Variants in REV3L observed in about 807,000 individuals in gnomAD.
REV3L encodes the protein DNA polymerase zeta catalytic subunit.
REV3L carries 69 observed loss-of-function variants against 299.4 expected under a neutral mutation model. That is an observed-to-expected ratio of 0.23 (90% CI 0.19 to 0.28). REV3L has a LOEUF of 0.28. Among genes scored for constraint, REV3L ranks in the 10% least tolerant of loss-of-function variants. The probability of loss-of-function intolerance (pLI) is 1.00; values close to 1 mark genes in which losing one functional copy is unlikely to be tolerated. For synonymous variants in REV3L, 1,238 were observed against 1,271.4 expected (o/e 0.97, Z 0.56); for missense variants, 3,128 against 3,693.8 (o/e 0.85, Z 3.97).
At chr6:111,440,764 A>C (rs1015611549) in intron 1 of REV3L, among the ~76,000 whole-genome samples, 1 of 152,222 alleles carries the variant, frequency 6.6e-6, no homozygotes, top group Non-Finnish European at 1.5e-5. Flanking sequence ...ATTTCTTATA[A>C]GGCAAGTAAC....
intron 1 of REV3L, among the ~76,000 whole-genome samples, chr6:111,420,514 C>T (rs1345930132): frequency 6.6e-6 from 1 of 152,172 alleles, no homozygotes; most frequent in Non-Finnish European, 1.5e-5. Flanking sequence ...CTCCCCTTCC[C>T]CTCCTCTGAA....
chr6:111,335,602 AT>A lies in REV3L; in HGVS notation c.7546del (p.Met2516TrpfsTer16). On this transcript the variant is annotated frameshift_variant, in exon 22 of 32. Transcript: ENST00000368802. LOFTEE classifies it high-confidence loss of function. ...GACACGGCTAACATAATGATCAACC[AT>A]TTTCCATCTGTTAAAAAAGAATCCA... Reference protein sequence around the residue: ...DNKTDLYRWKMVDHYVSRVRG... With the variant: ...DNKTDLYRWKXVDHYVSRVRG... 1 of 1,607,888 alleles carries A rather than the reference AT, an allele frequency of 6.2e-7. No homozygotes were observed. Among genetic ancestry groups the A allele is most frequent in the Non-Finnish European group, 8.5e-7 (1 of 1,177,576 alleles).
chr6:111,388,981 A>G (rs1057170500), intron 7 of REV3L, 125 bp downstream of exon 7: 2 of 668,880 alleles, frequency 3.0e-6, no homozygotes, highest in Admixed American at 5.7e-5. Context: ...AACAAGAAAA[A>G]TACATACAAA....
At chr6:111,361,831 A>C (rs1340375843) in intron 16 of REV3L, among the ~76,000 whole-genome samples, 1 of 152,146 alleles carries the variant, frequency 6.6e-6, no homozygotes, top group Admixed American at 6.5e-5. Context: ...TCTTTGGTTT[A>C]TTCCCTGTTT....
Position 111,375,147 on chromosome 6 carries a change from T to G in REV3L, c.3208A>C (p.Ile1070Leu). The G allele has an allele frequency of 6.2e-7, 1 of 1,607,938 alleles. No individual in the cohort carries two copies. The highest frequency in any genetic ancestry group is 1.1e-5 in the South Asian group (1 of 88,952). The change falls in exon 13 of 32, where the codon ATT becomes CTT. Residue 1070 changes from isoleucine (I) to leucine (L), a missense_variant. By Grantham distance (5) the Ile-to-Leu change is conservative (BLOSUM62 2). Coordinates refer to ENST00000368802, the MANE Select transcript of REV3L (RefSeq NM_001372078.1). ...TTCCTGAAAGACAAAGTTCTTTTAA[T>G]ATTTTCATTATTTGTCCTTTGTTGT... is the stretch of plus-strand genomic sequence containing the variant. ...GKQQRTNNEN[I>L]KRTLSFRKKR...
intron 1 of REV3L, among the ~76,000 whole-genome samples, chr6:111,477,177 TG>T (rs1277058518): frequency 9.9e-5 from 15 of 152,238 alleles, no homozygotes; most frequent in African/African-American, 2.9e-4. Flanking sequence ...TGCAACCATT[TG>T]CCAATTGTTG....
Position 111,373,813 on chromosome 6 carries a change from C to T in REV3L, c.4542G>A (p.Val1514=). The change falls in exon 13 of 32, where the codon GTG becomes GTA. Residue 1514 remains valine, a synonymous_variant. Coordinates refer to ENST00000368802, the MANE Select transcript of REV3L (RefSeq NM_001372078.1). ...CTTCACCAAATGCTGAAGGTGTTGACACATTTCGATTTTTACACTGAGAAA... is the reference window on the plus strand; with the variant it reads ...CTTCACCAAATGCTGAAGGTGTTGATACATTTCGATTTTTACACTGAGAAA... ...KALSQCKNRN[V]STPSAFGEGQ... 1 of 1,614,100 alleles carries T rather than the reference C, an allele frequency of 6.2e-7. No individual in the cohort carries two copies. Among genetic ancestry groups the T allele is most frequent in the Non-Finnish European group, 8.5e-7 (1 of 1,179,998 alleles).
intron 4 of REV3L, among the ~76,000 whole-genome samples, chr6:111,396,020 GCACCCCTGAA>G (rs1434840188): frequency 6.9e-4 from 105 of 151,924 alleles, no homozygotes; most frequent in African/African-American, 2.5e-3. Context: ...AACAATCCTT[GCACCCCTGAA>G]ATAAGTTTTT....
intron 4 of REV3L, among the ~76,000 whole-genome samples, chr6:111,402,759 T>G (rs1783220781): frequency 6.6e-6 from 1 of 152,070 alleles, no homozygotes; most frequent in African/African-American, 2.4e-5. Flanking sequence ...AGGTTGACAG[T>G]GATGGAAAAG....
chr6:111,348,651 A>AT (rs1562161048), intron 20 of REV3L, among the ~76,000 whole-genome samples: 2 of 152,128 alleles, frequency 1.3e-5, no homozygotes, highest in African/African-American at 4.8e-5. Context: ...GTACAACACA[A>AT]TATTTTATTG....
intron 1 of REV3L, among the ~76,000 whole-genome samples, chr6:111,437,564 A>C (rs1582991446): frequency 6.6e-6 from 1 of 151,634 alleles, no homozygotes; most frequent in East Asian, 1.9e-4. Flanking sequence ...AAAAATTTTA[A>C]ATATTATGCT....
At chr6:111,415,527 T>C (rs1384042962) in intron 2 of REV3L, among the ~76,000 whole-genome samples, 1 of 152,130 alleles carries the variant, frequency 6.6e-6, no homozygotes, top group Non-Finnish European at 1.5e-5. Context: ...GCTGTAAAAC[T>C]AGGTAAAGCT....
chr6:111,318,685 C>T (rs1259431384), intron 26 of REV3L, among the ~76,000 whole-genome samples: 1 of 152,098 alleles, frequency 6.6e-6, no homozygotes, highest in African/African-American at 2.4e-5. Flanking sequence ...ATTCTCCTGC[C>T]TCAGCTTCCC....
chr6:111,321,029 A>C (rs1057360367), intron 26 of REV3L, among the ~76,000 whole-genome samples: 1 of 152,186 alleles, frequency 6.6e-6, no homozygotes, highest in Non-Finnish European at 1.5e-5. Context: ...CTTTGACTGG[A>C]ATCATATAAT....
chr6:111,322,052 G>T (rs537823690), intron 26 of REV3L, among the ~76,000 whole-genome samples: 1 of 152,098 alleles, frequency 6.6e-6, no homozygotes, highest in African/African-American at 2.4e-5. Flanking sequence ...TAAATAATAG[G>T]CTTGAGGAAG....
At chr6:111,430,486 C>G in intron 1 of REV3L, 1 of 1,548,754 alleles carries the variant, frequency 6.5e-7, no homozygotes, top group Non-Finnish European at 8.9e-7. Context: ...TATAAAGCTG[C>G]AAAGAAGCGG....
intron 23 of REV3L, among the ~76,000 whole-genome samples, chr6:111,332,111 A>G (rs1170036860): frequency 2.6e-5 from 4 of 152,064 alleles, no homozygotes; most frequent in East Asian, 3.8e-4. Flanking sequence ...TCGCTCTGTC[A>G]CCCAGGCTGG....
At chr6:111,360,468 A>ATTTTTTT (rs1362929978) in intron 16 of REV3L, among the ~76,000 whole-genome samples, 3 of 133,452 alleles carry the variant, frequency 2.2e-5, no homozygotes, top group Non-Finnish European at 3.3e-5. Flanking sequence ...TTGTTAAATA[A>ATTTTTTT]TCTTTTTTTT....
intron 1 of REV3L, among the ~76,000 whole-genome samples, chr6:111,474,490 T>C (rs1792663766): frequency 6.6e-6 from 1 of 152,182 alleles, no homozygotes. Flanking sequence ...CTGAAGTAGA[T>C]TCCAAGTAGT....
Sources: allele counts gnomAD v4.1 joint callset (sites outside exome capture counted in the v4.1 genomes callset), GRCh38; gene constraint gnomAD v4.1.1; transcripts MANE v1.5; gene names NCBI Gene and HGNC (gene_info 2026-07-23, HGNC 2026-07-21).